CSMD3: variants seen among roughly 807,000 people sequenced by gnomAD.
CSMD3 encodes CUB and sushi domain-containing protein 3.
Under a neutral mutation model 435.2 loss-of-function variants are expected in CSMD3, and 177 were observed. The observed-to-expected ratio is 0.41, with a 90% confidence interval of 0.36 to 0.46. CSMD3 has a LOEUF of 0.46. CSMD3 is among the 20% of genes least tolerant of loss of function. CSMD3 has a pLI of 0.34. For missense variants in CSMD3, 4,265 were observed against 4,504.6 expected (o/e 0.95, Z 1.52); for synonymous variants, 1,656 against 1,520.5 (o/e 1.09, Z -2.07).
chr8:113,222,712 T>C (rs1030698348), intron 3 of CSMD3, among the ~76,000 whole-genome samples: 1 of 151,138 alleles, frequency 6.6e-6, no homozygotes, highest in African/African-American at 2.4e-5. Flanking sequence ...TCATTTTCCC[T>C]AATGAAAACA....
intron 9 of CSMD3, among the ~76,000 whole-genome samples, chr8:112,932,956 C>T (rs756934160): frequency 6.6e-6 from 1 of 152,084 alleles, no homozygotes; most frequent in Admixed American, 6.6e-5. Flanking sequence ...TCCCCATAAA[C>T]ATGTACAAAT....
At chr8:112,605,108 A>G (rs1296858128) in intron 22 of CSMD3, among the ~76,000 whole-genome samples, 1 of 152,224 alleles carries the variant, frequency 6.6e-6, no homozygotes, top group African/African-American at 2.4e-5. Context: ...CAGAATAGCT[A>G]TTAATAAAAG....
Position 112,437,455 on chromosome 8 carries a change from G to A in CSMD3, c.5396-28423C>T, listed in dbSNP as rs182465785. Among the ~76,000 whole-genome samples, 252 of 152,052 alleles carry A rather than the reference G, an allele frequency of 1.7e-3. 1 individual carries two copies. The highest frequency in any genetic ancestry group is 2.9e-3 in the Admixed American group (45 of 15,260). On this transcript the variant is annotated intron_variant, in intron 32 of 70. Transcript: ENST00000297405. ...CAACTTACATAGCCTTTGTCACGAC[G>A]GAATATGTATTCACTAAATGGATGA... is the stretch of plus-strand genomic sequence containing the variant.
intron 47 of CSMD3, among the ~76,000 whole-genome samples, chr8:112,317,617 A>G (rs1227112244): frequency 2.0e-5 from 3 of 152,076 alleles, no homozygotes; most frequent in Non-Finnish European, 4.4e-5. Context: ...TGGAATATGT[A>G]AGTGATAGAC....
intron 13 of CSMD3, among the ~76,000 whole-genome samples, chr8:112,782,023 A>C (rs2132248053): frequency 6.6e-6 from 1 of 152,282 alleles, no homozygotes; most frequent in African/African-American, 2.4e-5. Context: ...CTAACTCTTC[A>C]ATGCCCAGGC....
At chr8:112,302,206 T>C (rs1820989056) in intron 52 of CSMD3, among the ~76,000 whole-genome samples, 3 of 139,654 alleles carry the variant, frequency 2.1e-5, no homozygotes, top group Non-Finnish European at 4.7e-5. Flanking sequence ...AAAGTTCTTT[T>C]TTTTTCATTT....
At chr8:112,722,253 A>G (rs1179332816) in intron 13 of CSMD3, among the ~76,000 whole-genome samples, 1 of 152,104 alleles carries the variant, frequency 6.6e-6, no homozygotes, top group Non-Finnish European at 1.5e-5. Context: ...AGACATAACA[A>G]ACAAATGCAA....
intron 3 of CSMD3, among the ~76,000 whole-genome samples, chr8:113,229,708 G>A (rs2093064045): frequency 6.6e-6 from 1 of 151,402 alleles, no homozygotes; most frequent in Non-Finnish European, 1.5e-5. Context: ...AACCTTGAAG[G>A]CTTTGTAAAC....
At chr8:112,573,970 A>G (rs1829739806) in intron 23 of CSMD3, among the ~76,000 whole-genome samples, 1 of 151,944 alleles carries the variant, frequency 6.6e-6, no homozygotes, top group African/African-American at 2.4e-5. Context: ...CTACCTAAAG[A>G]TTGGTTTCTA....
At chr8:113,191,116 T>C (rs886531587) in intron 3 of CSMD3, among the ~76,000 whole-genome samples, 3 of 151,850 alleles carry the variant, frequency 2.0e-5, no homozygotes, top group Non-Finnish European at 4.4e-5. Flanking sequence ...ATGTTCTCTT[T>C]CTTTGTTACA....
chr8:112,628,270 C>G lies in CSMD3; in HGVS notation c.3715+8547G>C, dbSNP rs1834651804. Among the ~76,000 whole-genome samples, 2 of 152,096 alleles carry G rather than the reference C, an allele frequency of 1.3e-5. 1 individual carries two copies. The highest frequency in any genetic ancestry group is 4.1e-4 in the South Asian group (2 of 4,824). On this transcript the variant is annotated intron_variant, in intron 22 of 70. Coordinates refer to ENST00000297405, the MANE Select transcript of CSMD3 (RefSeq NM_198123.2). ...ATTAGGGAAAGAATTATTCCATATA[C>G]AGGTACAGAATTCATCATTTTCTCA...
intron 27 of CSMD3, among the ~76,000 whole-genome samples, chr8:112,533,232 A>AG (rs1353921379): frequency 6.6e-6 from 1 of 151,764 alleles, no homozygotes; most frequent in African/African-American, 2.4e-5. Flanking sequence ...TAAAATAACC[A>AG]GAAAAAAAAG....
At chr8:112,811,741 GTTTCA>G (rs771182416) in intron 12 of CSMD3, among the ~76,000 whole-genome samples, 16 of 152,126 alleles carry the variant, frequency 1.1e-4, no homozygotes, top group Non-Finnish European at 1.8e-4. Context: ...CAGAAAAGCT[GTTTCA>G]TTTCTTTTTA....
intron 3 of CSMD3, among the ~76,000 whole-genome samples, chr8:113,217,796 A>G (rs1418021555): frequency 6.6e-6 from 1 of 151,396 alleles, no homozygotes; most frequent in Admixed American, 6.6e-5. Flanking sequence ...AAAAACATAT[A>G]TAAGATATGA....
chr8:113,092,213 AT>A (rs1358506783), intron 5 of CSMD3, among the ~76,000 whole-genome samples: 1 of 151,898 alleles, frequency 6.6e-6, no homozygotes, highest in South Asian at 2.1e-4. Context: ...TAGTTATTGT[AT>A]TTTTTTCCTC....
chr8:113,349,605 G>A (rs1310975435), intron 1 of CSMD3, among the ~76,000 whole-genome samples: 1 of 151,920 alleles, frequency 6.6e-6, no homozygotes, highest in Middle Eastern at 3.2e-3. Context: ...AACACAGTGA[G>A]AACCCATCTC....
rs769167685 is a variant in CSMD3, at chr8:112,234,487, G to T, written c.10628-10C>A. On this transcript the variant is annotated splice_polypyrimidine_tract_variant and intron_variant, in intron 67 of 70. Coordinates refer to ENST00000297405, the MANE Select transcript of CSMD3 (RefSeq NM_198123.2). Reference sequence around the variant, plus strand: ...TGGCTTTTATATACCCCTGTAAAATGCAAGGACATTTTAGTCTACTTAACT... The same window carrying T: ...TGGCTTTTATATACCCCTGTAAAATTCAAGGACATTTTAGTCTACTTAACT... 3 of 1,479,028 alleles carry T rather than the reference G, an allele frequency of 2.0e-6. No individual in the cohort carries two copies. Among genetic ancestry groups the T allele is most frequent in the Non-Finnish European group, 2.8e-6 (3 of 1,057,546 alleles). 91.6% of individuals were successfully genotyped at this position (1,479,028 alleles called of 1,614,324 possible).
chr8:113,195,722 TCTATAA>T (rs1331031536), intron 3 of CSMD3, among the ~76,000 whole-genome samples: 8 of 148,164 alleles, frequency 5.4e-5, no homozygotes, highest in Non-Finnish European at 7.5e-5. Context: ...ACTATTCATA[TCTATAA>T]CTATATCTCT....
At chr8:112,513,693 A>T (rs374604388) in intron 28 of CSMD3, among the ~76,000 whole-genome samples, 44 of 152,190 alleles carry the variant, frequency 2.9e-4, no homozygotes, top group African/African-American at 9.9e-4. Context: ...TCAATTTGTA[A>T]AAAAACGTAA....
Sources: allele counts gnomAD v4.1 joint callset (sites outside exome capture counted in the v4.1 genomes callset), GRCh38; gene constraint gnomAD v4.1.1; transcripts MANE v1.5; gene names NCBI Gene and HGNC (gene_info 2026-07-23, HGNC 2026-07-21).